LARGE1: variants seen among roughly 807,000 people sequenced by gnomAD.
LARGE1 encodes LARGE xylosyl- and glucuronyltransferase 1.
LARGE1 carries 43 observed loss-of-function variants against 87.6 expected under a neutral mutation model. The observed-to-expected ratio is 0.49, with a 90% CI of 0.38 to 0.63. LARGE1 has a LOEUF of 0.63. Among genes scored for constraint, LARGE1 ranks in the 30% least tolerant of loss-of-function variants. LARGE1 has a pLI of 0.00. For missense variants in LARGE1, 802 were observed against 1,000.2 expected, an observed-to-expected ratio of 0.80 and a Z score of 2.67; for synonymous variants, 434 against 394.6, an observed-to-expected ratio of 1.10 and a Z score of -1.18.
intron 7 of LARGE1, among the ~76,000 whole-genome samples, chr22:33,416,128 A>G (rs182057758): frequency 2.9e-3 from 447 of 152,302 alleles, no homozygotes; most frequent in Non-Finnish European, 4.0e-3. Context: ...TCAGACCATA[A>G]AAACCCAAAA....
intron 7 of LARGE1, among the ~76,000 whole-genome samples, chr22:33,412,708 T>C (rs1376989145): frequency 6.6e-6 from 1 of 152,246 alleles, no homozygotes; most frequent in African/African-American, 2.4e-5. Flanking sequence ...TCGCCCAGGC[T>C]GGAGTGCAGT....
At chr22:33,734,595 CTT>C (rs1043719698) in intron 2 of LARGE1, among the ~76,000 whole-genome samples, 6 of 152,152 alleles carry the variant, frequency 3.9e-5, no homozygotes, top group African/African-American at 1.4e-4. Flanking sequence ...TGCTTTCTCT[CTT>C]GCTTGTTTCT....
intron 2 of LARGE1, among the ~76,000 whole-genome samples, chr22:33,693,429 G>C (rs1411382988): frequency 2.0e-5 from 3 of 151,946 alleles, no homozygotes; most frequent in African/African-American, 7.3e-5. Flanking sequence ...AAGAGGGAGG[G>C]AGTGAGGGAG....
intron 1 of LARGE1, among the ~76,000 whole-genome samples, chr22:33,785,285 G>A (rs753977065): frequency 1.6e-4 from 24 of 151,046 alleles, no homozygotes; most frequent in Non-Finnish European, 3.1e-4. Flanking sequence ...GTATATATAC[G>A]TATATATGTG....
intron 6 of LARGE1, among the ~76,000 whole-genome samples, chr22:33,545,671 T>C (rs2077342683): frequency 2.6e-5 from 4 of 152,158 alleles, no homozygotes; most frequent in South Asian, 2.1e-4. Context: ...ACTTCTTACC[T>C]CAAGTGATCT....
intron 13 of LARGE1, among the ~76,000 whole-genome samples, chr22:33,279,771 G>T (rs1930068302): frequency 6.6e-6 from 1 of 152,210 alleles, no homozygotes. Flanking sequence ...CCCAGAAGCA[G>T]TTGCTTTTCC....
In LARGE1 at chr22:33,481,306, A is replaced by AT. The variant is rs137949440; in HGVS notation, c.788-49042dup. Among the ~76,000 whole-genome samples the AT allele has an allele frequency of 4.9e-3, 730 of 150,140 alleles. 4 individuals carry two copies. Among genetic ancestry groups the AT allele is most frequent in the African/African-American group, 0.017 (692 of 40,742 alleles). Reference sequence around the variant, plus strand: ...TGTTTAATTACTGCTTTGGTTTTCAATTTTTTGTTTACTTTGTGAAGTAGA... The same window carrying AT: ...TGTTTAATTACTGCTTTGGTTTTCAATTTTTTTGTTTACTTTGTGAAGTAGA... On this transcript the variant is annotated intron_variant, in intron 6 of 14. Coordinates refer to ENST00000397394, the MANE Select transcript of LARGE1 (RefSeq NM_133642.5).
At chr22:33,215,090 C>T (rs911566199) in intron 11 of LARGE1, among the ~76,000 whole-genome samples, 1 of 152,166 alleles carries the variant, frequency 6.6e-6, no homozygotes, top group African/African-American at 2.4e-5. Context: ...TGTCTAGAAC[C>T]TGGCTTTCTT....
chr22:33,453,774 T>A (rs1448718711), intron 6 of LARGE1, among the ~76,000 whole-genome samples: 1 of 152,164 alleles, frequency 6.6e-6, no homozygotes, highest in East Asian at 1.9e-4. Flanking sequence ...TGGTTTTGCT[T>A]CCACTAGAGA....
chr22:33,744,206 A>T (rs555517909), intron 2 of LARGE1: 1 of 152,266 alleles, frequency 6.6e-6, no homozygotes, highest in African/African-American at 2.4e-5. Context: ...TGAGAACTTA[A>T]TATGTGTCAG....
At chr22:33,411,105 T>C (rs1420367975) in intron 7 of LARGE1, among the ~76,000 whole-genome samples, 1 of 152,212 alleles carries the variant, frequency 6.6e-6, no homozygotes, top group African/African-American at 2.4e-5. Context: ...GTAACTCCTG[T>C]TAGCTCTTGC....
intron 11 of LARGE1, among the ~76,000 whole-genome samples, chr22:33,230,004 CTTTTTTTTTTTTTT>C (rs557120175): frequency 3.7e-5 from 3 of 81,162 alleles, no homozygotes; most frequent in East Asian, 3.9e-4. Flanking sequence ...TTTCAAAGTT[CTTTTTTTTTTTTTT>C]TTTTTTTTTT....
At chr22:33,198,383 T>C (rs1427385012) in intron 11 of LARGE1, among the ~76,000 whole-genome samples, 1 of 152,044 alleles carries the variant, frequency 6.6e-6, no homozygotes, top group Non-Finnish European at 1.5e-5. Context: ...TGCAGTATCA[T>C]GATCATAGTT....
intron 6 of LARGE1, among the ~76,000 whole-genome samples, chr22:33,526,876 T>C (rs78509891): frequency 0.049 from 7,515 of 152,268 alleles, 355 homozygotes; most frequent in African/African-American, 0.13. Context: ...GTCACAGACA[T>C]GCTCCCCTGC....
intron 9 of LARGE1, among the ~76,000 whole-genome samples, chr22:33,368,632 G>T (rs186690754): frequency 1.3e-5 from 2 of 151,134 alleles, no homozygotes; most frequent in Non-Finnish European, 3.0e-5. Flanking sequence ...AATGAGCTCT[G>T]TGTGTGTGTG....
intron 2 of LARGE1, among the ~76,000 whole-genome samples, chr22:33,759,568 T>C (rs1334215707): frequency 6.6e-6 from 1 of 152,156 alleles, no homozygotes; most frequent in African/African-American, 2.4e-5. Context: ...ACCTGGCCTG[T>C]AGAAATACTC....
chr22:33,758,041 A>G (rs952626377), intron 2 of LARGE1, among the ~76,000 whole-genome samples: 2 of 152,078 alleles, frequency 1.3e-5, no homozygotes, highest in African/African-American at 2.4e-5. Context: ...TGCATCTTTC[A>G]TGCCAGGTAT....
At chr22:33,128,473 G>A in the LARGE1 span, among the ~76,000 whole-genome samples, 2 of 152,006 alleles carry the variant, frequency 1.3e-5, no homozygotes, top group African/African-American at 2.4e-5. Context: ...TCAGGAGTTC[G>A]AAACCAGACT....
intron 9 of LARGE1, among the ~76,000 whole-genome samples, chr22:33,362,923 A>C (rs940112867): frequency 6.7e-6 from 1 of 150,276 alleles, no homozygotes; most frequent in African/African-American, 2.4e-5. Flanking sequence ...ATAACCACAG[A>C]AGATGCATGA....
Sources: gnomAD v4.1 joint callset for allele counts (sites outside exome capture counted in the v4.1 genomes callset) on GRCh38, gnomAD v4.1.1 for gene constraint, MANE v1.5 for transcripts, NCBI Gene and HGNC (gene_info 2026-07-23, HGNC 2026-07-21) for gene names.